The following NRG3 variants were observed in gnomAD, a reference collection of about 807,000 sequenced individuals.
NRG3 encodes the protein pro-neuregulin-3, membrane-bound isoform.
NRG3 carries 31 observed loss-of-function variants against 66.9 expected under a neutral mutation model. That is an observed-to-expected ratio of 0.46 (90% CI 0.35 to 0.63). The LOEUF is 0.63. Among genes scored for constraint, NRG3 ranks in the 20% least tolerant of loss-of-function variants. The probability of loss-of-function intolerance (pLI) is 0.00; values close to 1 mark genes in which losing one functional copy is unlikely to be tolerated. For synonymous variants in NRG3, 393 were observed against 359.4 expected, an observed-to-expected ratio of 1.09 and a Z score of -1.06; for missense variants, 910 against 878.9, an observed-to-expected ratio of 1.04 and a Z score of -0.45.
chr10:82,718,293 T>C (rs964384075), intron 2 of NRG3, among the ~76,000 whole-genome samples: 3 of 152,214 alleles, frequency 2.0e-5, no homozygotes, highest in Non-Finnish European at 2.9e-5. Context: ...ACCTGTGCAA[T>C]CAATTGTCTT....
chr10:82,836,134 G>C (rs1448990570), intron 3 of NRG3, among the ~76,000 whole-genome samples: 1 of 152,132 alleles, frequency 6.6e-6, no homozygotes, highest in African/African-American at 2.4e-5. Flanking sequence ...AGTTGTATTA[G>C]AATATGGCCA....
intron 1 of NRG3, among the ~76,000 whole-genome samples, chr10:82,001,190 T>TAAAAAAAAAAAA (rs200565414): frequency 8.4e-6 from 1 of 119,622 alleles, no homozygotes; most frequent in Admixed American, 1.0e-4. Context: ...AAGGAAAGTG[T>TAAAAAAAAAAAA]AAGAGAAAAA....
rs187326389 is a variant in NRG3, at chr10:82,471,545, G to A, written c.953+112677G>A. On this transcript the variant is annotated intron_variant, in intron 2 of 8. Transcript: ENST00000372141. ...AAAGCTTTTTTATTTTAACCTATAG[G>A]CTTACTTTTTCTCAAAGAAAAATTG... Among the ~76,000 whole-genome samples the A allele has an allele frequency of 2.0e-5, 3 of 152,120 alleles. No individual in the cohort carries two copies. The East Asian group carries it at 5.8e-4, about 29-fold the overall frequency.
At chr10:82,506,466 T>C (rs141607409) in intron 2 of NRG3, among the ~76,000 whole-genome samples, 1 of 152,104 alleles carries the variant, frequency 6.6e-6, no homozygotes, top group African/African-American at 2.4e-5. Context: ...CCCTTAGTTT[T>C]CAAAGAAACA....
intron 2 of NRG3, among the ~76,000 whole-genome samples, chr10:82,499,895 G>A (rs2132330259): frequency 6.6e-6 from 1 of 152,270 alleles, no homozygotes; most frequent in Non-Finnish European, 1.5e-5. Flanking sequence ...CTAACAAAGA[G>A]TTCTTGTGAA....
chr10:82,024,444 A>G (rs966376745), intron 1 of NRG3, among the ~76,000 whole-genome samples: 16 of 152,120 alleles, frequency 1.1e-4, no homozygotes, highest in Non-Finnish European at 2.1e-4. Flanking sequence ...TATTAATTTC[A>G]CCTGTTTCTT....
rs538103233 is a variant in NRG3 at position 82,019,980 on chromosome 10, C to T, written c.823+143817C>T. Among the ~76,000 whole-genome samples, 189 of 152,106 alleles carry T rather than the reference C, an allele frequency of 1.2e-3. 1 individual carries two copies. Among genetic ancestry groups the T allele is most frequent in the African/African-American group, 4.1e-3 (169 of 41,510 alleles). ...TTAGTAATTTCTTGCCATCTGCTAG[C>T]TTTTGAATGTGTTTGCTCTTGCTTC... On this transcript the variant is annotated intron_variant, in intron 1 of 8. Transcript: ENST00000372141.
intron 2 of NRG3, among the ~76,000 whole-genome samples, chr10:82,420,972 G>A (rs996831422): frequency 6.6e-5 from 10 of 152,098 alleles, no homozygotes; most frequent in African/African-American, 2.4e-4. Context: ...GATTGCCAGG[G>A]ATTGGCAGTG....
intron 3 of NRG3, among the ~76,000 whole-genome samples, chr10:82,815,384 A>G (rs2061663210): frequency 6.6e-6 from 1 of 152,130 alleles, no homozygotes; most frequent in Non-Finnish European, 1.5e-5. Context: ...AGCTTTGGGG[A>G]AATGTATGAG....
At chr10:82,866,931 A>C (rs1413406912) in intron 4 of NRG3, among the ~76,000 whole-genome samples, 1 of 152,148 alleles carries the variant, frequency 6.6e-6, no homozygotes, top group Admixed American at 6.5e-5. Flanking sequence ...TAAGTTGTCT[A>C]ATGGATATTC....
intron 4 of NRG3, among the ~76,000 whole-genome samples, chr10:82,899,635 A>T (rs3862553): frequency 1.3e-5 from 2 of 151,974 alleles, no homozygotes; most frequent in African/African-American, 4.8e-5. Context: ...ATAGACAAAT[A>T]TAATCGTTTA....
intron 1 of NRG3, among the ~76,000 whole-genome samples, chr10:82,283,912 A>G (rs918072083): frequency 6.6e-6 from 1 of 152,216 alleles, no homozygotes; most frequent in Non-Finnish European, 1.5e-5. Context: ...GCATAAATGA[A>G]GCTTTGATAA....
chr10:82,787,944 C>T (rs1411986297), intron 3 of NRG3, among the ~76,000 whole-genome samples: 2 of 152,104 alleles, frequency 1.3e-5, no homozygotes, highest in Non-Finnish European at 2.9e-5. Flanking sequence ...AGGCAAATGG[C>T]CTTCTTATGC....
At chr10:82,951,339 T>C (rs946772011) in intron 4 of NRG3, 130 bp from the exon 5 acceptor site, 3 of 629,414 alleles carry the variant, frequency 4.8e-6, no homozygotes, top group Non-Finnish European at 8.5e-6. Flanking sequence ...TCCTTGTTTT[T>C]TCCCTATTTA....
At chr10:82,312,137 C>G (rs1469001731) in intron 1 of NRG3, among the ~76,000 whole-genome samples, 2 of 152,142 alleles carry the variant, frequency 1.3e-5, no homozygotes, top group African/African-American at 4.8e-5. Flanking sequence ...TACCTGAATA[C>G]TCCTAAGCAA....
intron 1 of NRG3, among the ~76,000 whole-genome samples, chr10:82,129,780 C>T (rs559346326): frequency 2.0e-5 from 3 of 151,986 alleles, no homozygotes; most frequent in South Asian, 2.1e-4. Flanking sequence ...AGGCTGGTCT[C>T]GAACTCCTGA....
intron 1 of NRG3, among the ~76,000 whole-genome samples, chr10:82,223,642 AAC>A (rs398014296): frequency 0.45 from 61,894 of 137,572 alleles, 14,021 homozygotes; most frequent in East Asian, 0.62. Flanking sequence ...AACCACCCCA[AAC>A]ACACACACAC....
chr10:82,691,034 T>A (rs2054884223), intron 2 of NRG3, among the ~76,000 whole-genome samples: 1 of 152,176 alleles, frequency 6.6e-6, no homozygotes, highest in Admixed American at 6.5e-5. Context: ...CTCTTGTTTT[T>A]ATTTTCCTTC....
At chr10:82,171,865 C>T (rs944958502) in intron 1 of NRG3, among the ~76,000 whole-genome samples, 7 of 152,124 alleles carry the variant, frequency 4.6e-5, no homozygotes, top group Non-Finnish European at 1.0e-4. Context: ...GACAACACTG[C>T]TTCCTATATC....
Sources: allele counts gnomAD v4.1 joint callset (sites outside exome capture counted in the v4.1 genomes callset), GRCh38; gene constraint gnomAD v4.1.1; transcripts MANE v1.5; gene names NCBI Gene and HGNC (gene_info 2026-07-23, HGNC 2026-07-21).